NEDD9: variants seen among roughly 807,000 people sequenced by gnomAD.
NEDD9 encodes neural precursor cell expressed, developmentally down-regulated 9, also known as enhancer of filamentation 1.
Under a neutral mutation model 76.6 loss-of-function variants are expected in NEDD9, and 26 were observed. The ratio of observed to expected loss-of-function variants is 0.34; its 90% CI spans 0.25 to 0.47. The LOEUF (loss-of-function observed/expected upper bound fraction) is 0.47, where lower values mean the gene tolerates loss of function less well. Among genes scored for constraint, NEDD9 ranks in the 20% least tolerant of loss-of-function variants. The probability of loss-of-function intolerance (pLI) is 1.00; values close to 1 mark genes in which losing one functional copy is unlikely to be tolerated. For missense variants in NEDD9, 937 were observed against 1,058.5 expected (o/e 0.89, Z 1.59); for synonymous variants, 392 against 414.2 (o/e 0.95, Z 0.65).
intron 3 of NEDD9, among the ~76,000 whole-genome samples, chr6:11,260,894 CTGTG>C (rs34568873): frequency 0.11 from 15,774 of 148,740 alleles, 851 homozygotes; most frequent in Middle Eastern, 0.15. Context: ...GTGTGTGAGC[CTGTG>C]TGTGTGTGTG....
At chr6:11,319,720 ACACTCACACACTAACATG>A (rs1484855957) in intron 2 of NEDD9, among the ~76,000 whole-genome samples, 2 of 138,650 alleles carry the variant, frequency 1.4e-5, no homozygotes, top group East Asian at 2.1e-4. Flanking sequence ...ACAAACATGC[ACACTCACACACTAACATG>A]CACACACACA....
chr6:11,342,076 G>A (rs1762284472), intron 1 of NEDD9, among the ~76,000 whole-genome samples: 2 of 152,026 alleles, frequency 1.3e-5, no homozygotes, highest in Non-Finnish European at 2.9e-5. Context: ...GAGCTTGCCA[G>A]CAGGTTGGAG....
rs1759931107 is a variant in NEDD9, at chr6:11,252,424, G to C, written c.13-38697C>G. The stretch of plus-strand genomic sequence containing the variant: ...TCACAGTAACTCATGTATTATCTCT[G>C]CTTATTTTGAATGCTTCAGCAAGAT... On this transcript the variant is annotated intron_variant, in intron 3 of 3. Coordinates refer to the NEDD9 transcript ENST00000397378. This position sits in a 1 kb window ranked among gnomAD's most constrained non-coding sequence, Gnocchi z 4.3. 1.3e-5 allele frequency among the ~76,000 whole-genome samples: 2 copies of C among 152,142 alleles called. No individual in the cohort carries two copies. The highest frequency in any genetic ancestry group is 4.1e-4 in the South Asian group (2 of 4,830).
intron 3 of NEDD9, among the ~76,000 whole-genome samples, chr6:11,268,226 G>T (rs1391154315): frequency 6.6e-6 from 1 of 151,960 alleles, no homozygotes; most frequent in Non-Finnish European, 1.5e-5. Context: ...TAGAGTCGGG[G>T]TTTCGCCATG....
chr6:11,224,215 A>G lies in NEDD9; in HGVS notation c.12+8289T>C, dbSNP rs567935232. On this transcript the variant is annotated intron_variant, in intron 1 of 6. Coordinates refer to ENST00000379446, the MANE Select transcript of NEDD9 (RefSeq NM_006403.4). ...GGCACTGATAAGAATCTTAAATTCA[A>G]TCAACGTTATGTGTTCTCTAATTGA... is the stretch of plus-strand genomic sequence containing the variant. 8.5e-5 allele frequency among the ~76,000 whole-genome samples: 13 copies of G among 152,354 alleles called. No individual in the cohort carries two copies. The East Asian group carries it at 2.3e-3, about 27-fold the overall frequency.
At chr6:11,360,985 T>A (rs1222935123) in intron 1 of NEDD9, among the ~76,000 whole-genome samples, 3 of 152,238 alleles carry the variant, frequency 2.0e-5, no homozygotes, top group Non-Finnish European at 4.4e-5. Flanking sequence ...AGCTTGTTTG[T>A]GTGTATGACT....
chr6:11,275,654 G>A (rs1760400605), intron 3 of NEDD9, among the ~76,000 whole-genome samples: 4 of 152,086 alleles, frequency 2.6e-5, no homozygotes, highest in Admixed American at 2.6e-4. Context: ...CATGCCCACA[G>A]GCAGCAAGCT....
Position 11,217,738 on chromosome 6 carries a change from A to G in NEDD9, c.13-4011T>C, listed in dbSNP as rs116558370. Reference sequence around the variant, plus strand: ...GCCTCTTGTCTTCAGGTCTAGAATTAGGACAGAATTTAGTCAAGTGAAATA... The same window carrying G: ...GCCTCTTGTCTTCAGGTCTAGAATTGGGACAGAATTTAGTCAAGTGAAATA... On this transcript the variant is annotated intron_variant, in intron 1 of 6. Transcript: ENST00000379446. Among the ~76,000 whole-genome samples the G allele has an allele frequency of 7.2e-3, 1,103 of 152,372 alleles. 12 individuals carry two copies. Among genetic ancestry groups the G allele is most frequent in the African/African-American group, 0.024 (1,011 of 41,588 alleles).
At chr6:11,249,145 A>G (rs1053326408) in intron 3 of NEDD9, 2 of 455,898 alleles carry the variant, frequency 4.4e-6, no homozygotes, top group African/African-American at 4.0e-5. Context: ...TTACATTTAA[A>G]CCAATGGACT....
intron 3 of NEDD9, among the ~76,000 whole-genome samples, chr6:11,267,398 AC>A (rs148389316): frequency 1.3e-5 from 2 of 150,886 alleles, no homozygotes; most frequent in African/African-American, 2.5e-5. Context: ...AAAAAAAAAA[AC>A]CACCACTTCC....
chr6:11,359,930 A>C (rs3798752), intron 1 of NEDD9, among the ~76,000 whole-genome samples: 97,619 of 152,088 alleles, frequency 0.64, 31,978 homozygotes, highest in African/African-American at 0.77. Context: ...TGTGTCAAAA[A>C]AATAAAACAA....
At chr6:11,327,093 A>G (rs1328247941) in intron 2 of NEDD9, among the ~76,000 whole-genome samples, 2 of 152,206 alleles carry the variant, frequency 1.3e-5, no homozygotes, top group African/African-American at 4.8e-5. Context: ...GGACAACAGG[A>G]GCACATAGGG....
intron 1 of NEDD9, among the ~76,000 whole-genome samples, chr6:11,365,945 T>C (rs1762755803): frequency 6.6e-6 from 1 of 151,828 alleles, no homozygotes; most frequent in Non-Finnish European, 1.5e-5. Context: ...GAGCCGAGAT[T>C]GTGCTACTGC....
At chr6:11,355,104 CAT>C (rs1335013622) in intron 1 of NEDD9, among the ~76,000 whole-genome samples, 1 of 152,204 alleles carries the variant, frequency 6.6e-6, no homozygotes, top group African/African-American at 2.4e-5. Context: ...CCATAGCAAA[CAT>C]CACACAAATA....
At chr6:11,277,667 T>C (rs1760444876) in intron 3 of NEDD9, among the ~76,000 whole-genome samples, 1 of 152,176 alleles carries the variant, frequency 6.6e-6, no homozygotes, top group African/African-American at 2.4e-5. Context: ...CTTTTGCCCA[T>C]AGCAGTGTTG....
At chr6:11,333,247 A>G (rs1247927287) in intron 2 of NEDD9, among the ~76,000 whole-genome samples, 2 of 152,174 alleles carry the variant, frequency 1.3e-5, no homozygotes, top group African/African-American at 2.4e-5. Context: ...TCAGTTCCCA[A>G]TCAATCAAAA....
chr6:11,272,820 T>G (rs1033690216), intron 3 of NEDD9, among the ~76,000 whole-genome samples: 1 of 152,228 alleles, frequency 6.6e-6, no homozygotes, highest in Non-Finnish European at 1.5e-5. Context: ...TGGTCACACT[T>G]CATTGCATTC....
chr6:11,366,356 TGAA>T (rs958597274), intron 1 of NEDD9, among the ~76,000 whole-genome samples: 2 of 142,490 alleles, frequency 1.4e-5, no homozygotes, highest in Non-Finnish European at 3.1e-5. Context: ...AAGAAAGAAA[TGAA>T]GAAAGAAAGA....
intron 1 of NEDD9, among the ~76,000 whole-genome samples, chr6:11,346,889 A>G (rs1329203752): frequency 6.6e-6 from 1 of 152,096 alleles, no homozygotes; most frequent in South Asian, 2.1e-4. Context: ...CTTAGTCAGG[A>G]CTGGCCTGAA....
Sources: gnomAD v4.1 joint callset for allele counts (sites outside exome capture counted in the v4.1 genomes callset) on GRCh38, gnomAD v4.1.1 for gene constraint, Gnocchi (gnomAD v3.1) non-coding constraint, MANE v1.5 for transcripts, NCBI Gene and HGNC (gene_info 2026-07-23, HGNC 2026-07-21) for gene names.